Variants in PCSK2 observed in about 807,000 individuals in gnomAD.
PCSK2 encodes proprotein convertase subtilisin/kexin type 2.
Under a neutral mutation model 69.7 loss-of-function variants are expected in PCSK2, and 14 were observed. The observed-to-expected ratio is 0.20, with a 90% CI of 0.13 to 0.31. The LOEUF is 0.31. PCSK2 is among the 10% of genes least tolerant of loss of function. The pLI is 1.00. For missense variants in PCSK2, 544 were observed against 842.5 expected (o/e 0.65, Z 4.39); for synonymous variants, 307 against 320.7 (o/e 0.96, Z 0.46).
chr20:17,479,596 G>A lies in PCSK2; in HGVS notation c.1431-1988G>A, dbSNP rs545311763. On this transcript the variant is annotated intron_variant, in intron 11 of 11. Transcript: ENST00000262545. ...AGGCGGATCACAAGGTCAGGAGATC[G>A]AGACCATCATGGCTAACACGGTGAA... is the stretch of plus-strand genomic sequence containing the variant. Among the ~76,000 whole-genome samples the A allele has an allele frequency of 5.9e-5, 9 of 152,178 alleles. No individual in the cohort carries two copies. In the South Asian group the frequency reaches 1.7e-3, roughly 28 times the overall value.
chr20:17,397,121 T>C (rs1255839917), intron 5 of PCSK2, among the ~76,000 whole-genome samples: 1 of 152,240 alleles, frequency 6.6e-6, no homozygotes, highest in African/African-American at 2.4e-5. Flanking sequence ...CACCTTACTA[T>C]ACTGTTAACT....
At chr20:17,368,397 C>T (rs2030662733) in intron 4 of PCSK2, among the ~76,000 whole-genome samples, 1 of 152,138 alleles carries the variant, frequency 6.6e-6, no homozygotes, top group Non-Finnish European at 1.5e-5. Flanking sequence ...GTGGTTGGGA[C>T]TCAAATGCCT....
intron 1 of PCSK2, among the ~76,000 whole-genome samples, chr20:17,248,100 T>G (rs1164020503): frequency 6.6e-6 from 1 of 152,120 alleles, no homozygotes; most frequent in Non-Finnish European, 1.5e-5. Context: ...GAGTTCTTCA[T>G]TCACTTCTTT....
At chr20:17,451,269 C>T (rs2032816770) in intron 8 of PCSK2, among the ~76,000 whole-genome samples, 1 of 152,200 alleles carries the variant, frequency 6.6e-6, no homozygotes, top group Non-Finnish European at 1.5e-5. Context: ...GGCTGCATAA[C>T]AAACTGCCCC....
At chr20:17,452,730 C>T (rs2032850941) in intron 8 of PCSK2, among the ~76,000 whole-genome samples, 1 of 152,228 alleles carries the variant, frequency 6.6e-6, no homozygotes, top group Non-Finnish European at 1.5e-5. Context: ...ACCCTCCCAG[C>T]CCACAGGTGA....
At chr20:17,436,679 A>T (rs917143986) in intron 7 of PCSK2, 29 bp from the exon 8 acceptor site, 1 of 1,588,042 alleles carries the variant, frequency 6.3e-7, no homozygotes, top group Non-Finnish European at 8.6e-7. Flanking sequence ...GAACCCAAAC[A>T]TGGTGTCCTC....
chr20:17,369,366 G>A (rs2030691115), intron 5 of PCSK2, 89 bp downstream of exon 5: 1 of 1,008,534 alleles, frequency 9.9e-7, no homozygotes, highest in Non-Finnish European at 1.6e-6. Flanking sequence ...ATGTCTACAT[G>A]TCTATACACA....
chr20:17,477,087 C>T (rs1187125082), intron 11 of PCSK2, among the ~76,000 whole-genome samples: 2 of 152,242 alleles, frequency 1.3e-5, no homozygotes, highest in African/African-American at 2.4e-5. Flanking sequence ...ATGAACTGCA[C>T]TGTATGTTTC....
intron 11 of PCSK2, among the ~76,000 whole-genome samples, chr20:17,473,085 C>CGCT (rs2033230933): frequency 1.9e-5 from 2 of 104,762 alleles, no homozygotes; most frequent in East Asian, 3.1e-4. Flanking sequence ...CAAAGAAGAA[C>CGCT]TCTTTTTTTT....
upstream of PCSK2, among the ~76,000 whole-genome samples, chr20:17,226,533 A>AAG (rs11471406): frequency 1.0e-3 from 149 of 146,900 alleles, no homozygotes; most frequent in African/African-American, 1.7e-3. Context: ...GAGAGAGAGA[A>AAG]AGAGAGAGAG....
intron 2 of PCSK2, among the ~76,000 whole-genome samples, chr20:17,333,368 T>C (rs528239915): frequency 1.3e-5 from 2 of 152,358 alleles, no homozygotes; most frequent in East Asian, 1.9e-4. Flanking sequence ...CCACCATGAC[T>C]TGTGCTCCAA....
intron 1 of PCSK2, among the ~76,000 whole-genome samples, chr20:17,242,304 A>G (rs1986609931): frequency 6.6e-6 from 1 of 152,236 alleles, no homozygotes; most frequent in Admixed American, 6.5e-5. Context: ...TCTCTCCCCT[A>G]GTTTCCCTTC....
intron 2 of PCSK2, among the ~76,000 whole-genome samples, chr20:17,333,945 A>G (rs1322094013): frequency 6.9e-6 from 1 of 144,664 alleles, no homozygotes; most frequent in Non-Finnish European, 1.5e-5. Context: ...ATGGCTTCAA[A>G]TCTAGATAGT....
At chr20:17,425,236 GA>G (rs2123330532) in intron 6 of PCSK2, among the ~76,000 whole-genome samples, 1 of 152,038 alleles carries the variant, frequency 6.6e-6, no homozygotes, top group African/African-American at 2.4e-5. Context: ...TAATAAGCCT[GA>G]GCCAAAATGG....
intron 5 of PCSK2, among the ~76,000 whole-genome samples, chr20:17,403,080 A>G (rs1194967142): frequency 1.3e-5 from 2 of 152,232 alleles, no homozygotes; most frequent in Non-Finnish European, 2.9e-5. Flanking sequence ...TCCAGTGACT[A>G]CAGAAGTTGC....
At chr20:17,295,832 A>G (rs1389231042) in intron 2 of PCSK2, among the ~76,000 whole-genome samples, 1 of 152,150 alleles carries the variant, frequency 6.6e-6, no homozygotes, top group African/African-American at 2.4e-5. Context: ...GTGGGATTAC[A>G]TGTGTGAGCC....
chr20:17,362,833 T>C (rs186673750), intron 4 of PCSK2, among the ~76,000 whole-genome samples: 13 of 152,326 alleles, frequency 8.5e-5, no homozygotes, highest in African/African-American at 3.1e-4. Context: ...TGAAGAAAAG[T>C]ATCCAAGTTC....
chr20:17,310,663 T>C (rs1431011833), intron 2 of PCSK2, among the ~76,000 whole-genome samples: 1 of 149,994 alleles, frequency 6.7e-6, no homozygotes, highest in Non-Finnish European at 1.5e-5. Context: ...TTTATGTATC[T>C]AGTAGGTCAT....
chr20:17,334,171 C>G (rs989400122), intron 2 of PCSK2, among the ~76,000 whole-genome samples: 1 of 151,860 alleles, frequency 6.6e-6, no homozygotes, highest in African/African-American at 2.4e-5. Flanking sequence ...AGTGGGCAAT[C>G]TACTTTTCCA....
Sources: gnomAD v4.1 joint callset for allele counts (sites outside exome capture counted in the v4.1 genomes callset) on GRCh38, gnomAD v4.1.1 for gene constraint, MANE v1.5 for transcripts, NCBI Gene and HGNC (gene_info 2026-07-23, HGNC 2026-07-21) for gene names.